MRTFB: variants seen among roughly 807,000 people sequenced by gnomAD.
MRTFB encodes myocardin related transcription factor B.
A neutral mutation model predicts 104.2 loss-of-function variants in MRTFB; 29 were observed. That is an observed-to-expected ratio of 0.28 (90% CI 0.21 to 0.38). The LOEUF (loss-of-function observed/expected upper bound fraction) is 0.38, where lower values mean the gene tolerates loss of function less well. Ranked by LOEUF, MRTFB falls within the 10% of genes least tolerant of loss-of-function variation. The pLI, the probability that MRTFB is intolerant of heterozygous loss-of-function variation, is 1.00. For missense variants in MRTFB, 1,270 were observed against 1,341.6 expected, an observed-to-expected ratio of 0.95 and a Z score of 0.83; for synonymous variants, 535 against 519.5, an observed-to-expected ratio of 1.03 and a Z score of -0.41.
In MRTFB at chr16:14,252,365, C is replaced by G; in HGVS notation, c.2566C>G (p.Pro856Ala). The G allele has an allele frequency of 6.2e-7, 1 of 1,613,148 alleles. No homozygotes were observed. Among genetic ancestry groups the G allele is most frequent in the East Asian group, 2.2e-5 (1 of 44,842 alleles). ...TGCACTCCTCCTTTATTTGACACAG[C>G]CTAGTTCACCCCCGCCACCCCAGCA... ...LQNGPNTPNK[P>A]SSPPPPQQFV... The change falls in exon 15 of 17, where the codon CCT becomes GCT. Residue 856 changes from proline to alanine, a missense_variant and splice_region_variant. By Grantham distance (27) the Pro-to-Ala change is conservative. Coordinates refer to ENST00000571589, the MANE Select transcript of MRTFB (RefSeq NM_001308142.2).
At chr16:14,008,770 G>A in the MRTFB span, among the ~76,000 whole-genome samples, 1 of 152,186 alleles carries the variant, frequency 6.6e-6, no homozygotes, top group African/African-American at 2.4e-5. Context: ...AATTTGAGAA[G>A]TTTTGCTATC....
At chr16:14,006,134 AGAGTTC>A in the MRTFB span, among the ~76,000 whole-genome samples, 1 of 152,144 alleles carries the variant, frequency 6.6e-6, no homozygotes. Flanking sequence ...CCTGAGATCA[AGAGTTC>A]GAGACCAGCC....
At chr16:14,162,014 T>C (rs1765909600) in intron 3 of MRTFB, among the ~76,000 whole-genome samples, 1 of 152,046 alleles carries the variant, frequency 6.6e-6, no homozygotes, top group Non-Finnish European at 1.5e-5. Flanking sequence ...GTGTATATGT[T>C]CATCAAAAGA....
At chr16:14,209,025 CAAT>C (rs1328879701) in intron 3 of MRTFB, among the ~76,000 whole-genome samples, 2 of 152,158 alleles carry the variant, frequency 1.3e-5, no homozygotes, top group African/African-American at 4.8e-5. Flanking sequence ...TCATATCAAA[CAAT>C]GATAAAATAT....
intron 3 of MRTFB, among the ~76,000 whole-genome samples, chr16:14,186,228 C>T (rs1449626838): frequency 6.6e-6 from 1 of 152,226 alleles, no homozygotes; most frequent in Non-Finnish European, 1.5e-5. Flanking sequence ...CAACACAAAG[C>T]ACACCACAAA....
At chr16:14,246,369 CAG>C (rs899687354) in intron 11 of MRTFB, 102 bp from the exon 12 acceptor site, 23 of 1,107,902 alleles carry the variant, frequency 2.1e-5, no homozygotes, top group Admixed American at 2.4e-5. Context: ...TGCCGTAACG[CAG>C]AGTTGTCTGA....
At chr16:14,212,253 T>A (rs13337739) in intron 4 of MRTFB, 101 bp from the exon 5 acceptor site, 45,027 of 1,104,064 alleles carry the variant, frequency 0.041, 1,978 homozygotes, top group African/African-American at 0.2. Context: ...GGAACTGTAG[T>A]TGTGATCTGT....
intron 3 of MRTFB, chr16:14,186,698 G>A (rs1316706561): frequency 2.2e-6 from 3 of 1,372,278 alleles, no homozygotes; most frequent in African/African-American, 1.5e-5. Flanking sequence ...GAGAGTTAAG[G>A]GCTTCCAGCG....
chr16:14,086,052 C>T (rs959895765), intron 2 of MRTFB, among the ~76,000 whole-genome samples: 2 of 152,054 alleles, frequency 1.3e-5, no homozygotes, highest in South Asian at 2.1e-4. Context: ...GAAGACAAAG[C>T]TAAAATGGAT....
At chr16:14,218,049 G>T (rs894246374) in intron 7 of MRTFB, among the ~76,000 whole-genome samples, 1 of 151,898 alleles carries the variant, frequency 6.6e-6, no homozygotes, top group Non-Finnish European at 1.5e-5. Context: ...TCCTTGTCAC[G>T]TTTTTTTGTT....
intron 2 of MRTFB, among the ~76,000 whole-genome samples, chr16:14,115,015 C>T (rs1182636708): frequency 6.6e-6 from 1 of 152,168 alleles, no homozygotes; most frequent in Admixed American, 6.5e-5. Flanking sequence ...CTCCTTGCCA[C>T]CACAGCCATG....
chr16:14,237,404 TCA>T (rs200890552), intron 9 of MRTFB, among the ~76,000 whole-genome samples: 4,968 of 152,272 alleles, frequency 0.033, 273 homozygotes, highest in African/African-American at 0.11. Flanking sequence ...CTGCTGTGCC[TCA>T]GTTAAGATGA....
In MRTFB at chr16:14,085,455, C is replaced by G. The variant is rs527724364; in HGVS notation, c.-64+6101C>G. On this transcript the variant is annotated intron_variant, in intron 2 of 16. Coordinates refer to ENST00000571589, the MANE Select transcript of MRTFB (RefSeq NM_001308142.2). ...CTGGGCAATAAGAGTGAAATTCCAT[C>G]TCAAAAAAAAAAAAAAAAAAGCGAA... Among the ~76,000 whole-genome samples, 653 of 101,470 alleles carry G rather than the reference C, an allele frequency of 6.4e-3. 6 individuals are homozygous for G. Among genetic ancestry groups the G allele is most frequent in the African/African-American group, 0.032 (606 of 19,216 alleles). The allele number at this position is 101,470 out of a possible 152,430, so 66.6% of individuals were successfully genotyped here. A position where few individuals can be genotyped will look rare whatever the true frequency, so the allele number is the denominator to read the frequency against.
At chr16:14,069,539 G>A (rs1167960928), upstream of MRTFB, among the ~76,000 whole-genome samples, 1 of 152,122 alleles carries the variant, frequency 6.6e-6, no homozygotes, top group African/African-American at 2.4e-5. Context: ...AGACTGGAGG[G>A]CAGTGGCACA....
the MRTFB span, among the ~76,000 whole-genome samples, chr16:14,059,095 CATA>C: frequency 4.6e-5 from 7 of 152,026 alleles, no homozygotes; most frequent in African/African-American, 2.4e-5. Context: ...TTATTTGCCA[CATA>C]ATAATTGTTC....
chr16:14,054,753 A>C, the MRTFB span, among the ~76,000 whole-genome samples: 1 of 152,158 alleles, frequency 6.6e-6, no homozygotes, highest in Non-Finnish European at 1.5e-5. Flanking sequence ...ATAAGCATTT[A>C]TTATTGAACG....
chr16:14,209,598 T>TA (rs1396024619), intron 3 of MRTFB, among the ~76,000 whole-genome samples: 2 of 152,216 alleles, frequency 1.3e-5, no homozygotes, highest in African/African-American at 4.8e-5. Flanking sequence ...TCATAATGTA[T>TA]ATCTTGTTCT....
At chr16:14,066,583 T>C (rs2090467966), upstream of MRTFB, among the ~76,000 whole-genome samples, 1 of 152,046 alleles carries the variant, frequency 6.6e-6, no homozygotes, top group Admixed American at 6.6e-5. Flanking sequence ...TATTTTTTTA[T>C]TTTTTAAAAC....
chr16:14,222,321 C>G (rs1487093676), intron 8 of MRTFB, among the ~76,000 whole-genome samples: 1 of 152,156 alleles, frequency 6.6e-6, no homozygotes, highest in East Asian at 1.9e-4. Context: ...AATAAGCTAT[C>G]CAACCTACAG....
Sources: gnomAD v4.1 joint callset for allele counts (sites outside exome capture counted in the v4.1 genomes callset) on GRCh38, gnomAD v4.1.1 for gene constraint, MANE v1.5 for transcripts, NCBI Gene and HGNC (gene_info 2026-07-23, HGNC 2026-07-21) for gene names.